The following LSAMP variants were observed in gnomAD, a reference collection of about 807,000 sequenced individuals.
LSAMP encodes the protein limbic system associated membrane protein, also known as limbic system-associated membrane protein.
In LSAMP, 7 loss-of-function variants were observed where a neutral mutation model predicts 38.6. The observed-to-expected ratio is 0.18, with a 90% confidence interval of 0.10 to 0.34. The LOEUF is 0.34. Ranked by LOEUF, LSAMP falls within the 10% of genes least tolerant of loss-of-function variation. The pLI, the probability that LSAMP is intolerant of heterozygous loss-of-function variation, is 1.00. For missense variants in LSAMP, 313 were observed against 420.0 expected (o/e 0.75, Z 2.23); for synonymous variants, 154 against 166.8 (o/e 0.92, Z 0.59).
At chr3:116,422,335 A>C (rs1043240468) in intron 1 of LSAMP, among the ~76,000 whole-genome samples, 2 of 152,222 alleles carry the variant, frequency 1.3e-5, no homozygotes, top group Non-Finnish European at 2.9e-5. Context: ...CAATAAAAAT[A>C]ATGCAAATAA....
intron 6 of LSAMP, among the ~76,000 whole-genome samples, chr3:115,818,127 T>A (rs1934089894): frequency 6.6e-6 from 1 of 152,174 alleles, no homozygotes; most frequent in African/African-American, 2.4e-5. Context: ...TATTCCACAA[T>A]ACCCCTTTGG....
chr3:115,840,773 C>G (rs993476744), intron 6 of LSAMP, among the ~76,000 whole-genome samples: 7 of 151,684 alleles, frequency 4.6e-5, no homozygotes, highest in Admixed American at 1.3e-4. Context: ...TGGAATATAG[C>G]AAGATAGAAA....
At chr3:116,160,085 G>A (rs1709847171) in intron 1 of LSAMP, among the ~76,000 whole-genome samples, 1 of 152,116 alleles carries the variant, frequency 6.6e-6, no homozygotes, top group Admixed American at 6.6e-5. Flanking sequence ...CAGGGGTAGA[G>A]GGTGGGAGAA....
intron 6 of LSAMP, among the ~76,000 whole-genome samples, chr3:115,828,899 G>A (rs1399163312): frequency 6.6e-6 from 1 of 152,136 alleles, no homozygotes; most frequent in Non-Finnish European, 1.5e-5. Context: ...AGGACAGGGA[G>A]CTCACCAGGA....
At chr3:115,989,853 G>A (rs1464589390) in intron 3 of LSAMP, among the ~76,000 whole-genome samples, 2 of 152,068 alleles carry the variant, frequency 1.3e-5, no homozygotes, top group Non-Finnish European at 2.9e-5. Flanking sequence ...CATCCAGGCT[G>A]AGGACTTGAT....
intron 2 of LSAMP, among the ~76,000 whole-genome samples, chr3:116,064,358 T>A (rs1170627191): frequency 6.6e-6 from 1 of 152,068 alleles, no homozygotes; most frequent in Non-Finnish European, 1.5e-5. Context: ...AAACCCCGTC[T>A]CTACTAAAAA....
intron 1 of LSAMP, among the ~76,000 whole-genome samples, chr3:116,233,412 CAAAAAA>C (rs3028677): frequency 2.9e-5 from 2 of 70,046 alleles, no homozygotes; most frequent in African/African-American, 1.2e-4. Context: ...GACTCTGTCT[CAAAAAA>C]AAAAAAAAAA....
rs189226928 is a variant in LSAMP at position 116,433,669 on chromosome 3, C to T, written c.155+11208G>A. ...CATTTCAAAAGAAACTAGAATGGAT[C>T]GGTGGAGATGAATATACCTGTTGCA... On this transcript the variant is annotated intron_variant, in intron 1 of 6. Coordinates refer to ENST00000490035, the MANE Select transcript of LSAMP (RefSeq NM_002338.5). Among the ~76,000 whole-genome samples the T allele has an allele frequency of 5.4e-4, 82 of 152,210 alleles. 1 individual carries two copies. In the East Asian group the frequency reaches 0.011, roughly 21 times the overall value.
chr3:116,285,101 G>A (rs926615399), intron 1 of LSAMP, among the ~76,000 whole-genome samples: 3 of 152,124 alleles, frequency 2.0e-5, no homozygotes, highest in African/African-American at 7.2e-5. Context: ...TGATCACTAC[G>A]ACTGGTTTGA....
chr3:116,113,405 TATATA>T (rs1708662935), intron 1 of LSAMP, among the ~76,000 whole-genome samples: 6 of 64,436 alleles, frequency 9.3e-5, no homozygotes, highest in Non-Finnish European at 1.4e-4. Flanking sequence ...TTGCCCTATA[TATATA>T]TATATATATA....
chr3:116,386,566 A>G (rs1263689623), intron 1 of LSAMP, among the ~76,000 whole-genome samples: 1 of 152,134 alleles, frequency 6.6e-6, no homozygotes, highest in Non-Finnish European at 1.5e-5. Context: ...TCAGCCTCCT[A>G]GGCTCAAGCA....
chr3:116,192,270 C>T (rs190406786), intron 1 of LSAMP, among the ~76,000 whole-genome samples: 4 of 152,262 alleles, frequency 2.6e-5, no homozygotes, highest in Non-Finnish European at 5.9e-5. Flanking sequence ...CCTCTTGCTG[C>T]AGTGATGATG....
chr3:116,209,010 C>T (rs1215860059), intron 1 of LSAMP, among the ~76,000 whole-genome samples: 1 of 152,196 alleles, frequency 6.6e-6, no homozygotes, highest in Non-Finnish European at 1.5e-5. Flanking sequence ...TCGCTGCCGC[C>T]TTGCAGTTTG....
intron 1 of LSAMP, among the ~76,000 whole-genome samples, chr3:116,125,642 A>G (rs1336786175): frequency 1.3e-5 from 2 of 152,158 alleles, no homozygotes; most frequent in Admixed American, 6.5e-5. Context: ...TTGGATAAAC[A>G]ATGATATGGA....
At chr3:116,232,304 G>A (rs934443130) in intron 1 of LSAMP, among the ~76,000 whole-genome samples, 5 of 152,148 alleles carry the variant, frequency 3.3e-5, no homozygotes, top group African/African-American at 7.2e-5. Context: ...CCAGGAAAAC[G>A]ATAGTAAGTG....
intron 2 of LSAMP, among the ~76,000 whole-genome samples, chr3:116,043,711 C>G (rs1300508752): frequency 6.6e-6 from 1 of 152,122 alleles, no homozygotes; most frequent in Non-Finnish European, 1.5e-5. Context: ...TTTGGGAGGC[C>G]GAGGCAGGCG....
At chr3:115,967,967 A>G (rs4286427) in intron 3 of LSAMP, among the ~76,000 whole-genome samples, 40,417 of 151,828 alleles carry the variant, frequency 0.27, 6,522 homozygotes, top group African/African-American at 0.46. Flanking sequence ...CCTCCCTGTG[A>G]CCACCACCAT....
intron 1 of LSAMP, among the ~76,000 whole-genome samples, chr3:116,429,728 A>G (rs1171300012): frequency 1.3e-5 from 2 of 152,190 alleles, no homozygotes; most frequent in South Asian, 2.1e-4. Flanking sequence ...CAAAAATTGC[A>G]GAGGGTCAAG....
intron 1 of LSAMP, among the ~76,000 whole-genome samples, chr3:116,372,295 G>A (rs1273806987): frequency 6.6e-6 from 1 of 151,872 alleles, no homozygotes; most frequent in African/African-American, 2.4e-5. Context: ...TTTCGACAAG[G>A]GTACCAAGAC....
Sources: allele counts gnomAD v4.1 joint callset (sites outside exome capture counted in the v4.1 genomes callset), GRCh38; gene constraint gnomAD v4.1.1; transcripts MANE v1.5; gene names NCBI Gene and HGNC (gene_info 2026-07-23, HGNC 2026-07-21).